Variants in ATF7IP observed in about 807,000 individuals in gnomAD.
ATF7IP encodes the protein activating transcription factor 7 interacting protein, also known as activating transcription factor 7-interacting protein 1.
ATF7IP carries 23 observed loss-of-function variants against 106.4 expected under a neutral mutation model. The observed-to-expected ratio is 0.22, with a 90% CI of 0.16 to 0.31. ATF7IP has a LOEUF of 0.31. ATF7IP is among the 10% of genes least tolerant of loss of function. The pLI, the probability that ATF7IP is intolerant of heterozygous loss-of-function variation, is 1.00. For missense variants in ATF7IP, 1,334 were observed against 1,524.3 expected (o/e 0.88, Z 2.08); for synonymous variants, 542 against 539.0 (o/e 1.01, Z -0.08).
chr12:14,455,004 C>A (rs952834857), intron 6 of ATF7IP, among the ~76,000 whole-genome samples: 1 of 151,848 alleles, frequency 6.6e-6, no homozygotes, highest in Non-Finnish European at 1.5e-5. Flanking sequence ...CATGGCAAAA[C>A]CCCACGTCTA....
chr12:14,401,749 G>A (rs763310641), intron 1 of ATF7IP, among the ~76,000 whole-genome samples: 75 of 119,044 alleles, frequency 6.3e-4, no homozygotes, highest in Non-Finnish European at 7.4e-4. Context: ...ATGGAATCTC[G>A]CTGTGTCGCT....
chr12:14,485,089 TCC>T (rs370144678), intron 13 of ATF7IP, among the ~76,000 whole-genome samples: 34 of 152,228 alleles, frequency 2.2e-4, no homozygotes, highest in African/African-American at 7.7e-4. Context: ...TCTCACAGCA[TCC>T]CTCTCTGCCC....
chr12:14,448,475 G>C (rs1203159603), intron 6 of ATF7IP, among the ~76,000 whole-genome samples: 2 of 152,114 alleles, frequency 1.3e-5, no homozygotes, highest in East Asian at 3.8e-4. Flanking sequence ...TCACAGTCAA[G>C]ATATAAAATT....
chr12:14,478,270 C>A lies in ATF7IP; in HGVS notation c.2942-47C>A. On this transcript the variant is annotated intron_variant, in intron 11 of 14. Coordinates refer to ENST00000261168, the MANE Select transcript of ATF7IP (RefSeq NM_018179.5). ...GTCCATAGAGGAAAGACTTGTATTT[C>A]CTGATTTTTTTCTTGTCAGTCATAA... The A allele has an allele frequency of 1.9e-6, 3 of 1,588,634 alleles. No homozygotes were observed. In the South Asian group the frequency reaches 3.3e-5, roughly 18 times the overall value.
chr12:14,478,376 C>T lies in ATF7IP; in HGVS notation c.3001C>T (p.Arg1001Ter). ...STMSSSQPVSRPLQPIQPAPP... is the reference protein window; with the variant it reads ...STMSSSQPVS ...CATGAGTTCTTCTCAGCCTGTGTCA[C>T]GACCATTGCAACCCATACAACCAGC... The change falls in exon 12 of 15, where the codon CGA (arginine) becomes TGA (stop). Residue 1001 changes from arginine to a stop codon, truncating the protein, a stop_gained. Transcript: ENST00000261168. LOFTEE classifies it high-confidence loss of function. 6.2e-7 allele frequency: 1 copy of T among 1,614,060 alleles called. No individual in the cohort carries two copies. The highest frequency in any genetic ancestry group is 8.5e-7 in the Non-Finnish European group (1 of 1,179,952).
chr12:14,387,151 T>G (rs546378406), intron 1 of ATF7IP, among the ~76,000 whole-genome samples: 6 of 152,302 alleles, frequency 3.9e-5, no homozygotes, highest in Admixed American at 2.0e-4. Flanking sequence ...ACATAGTAGA[T>G]TCTCATAATT....
intron 1 of ATF7IP, among the ~76,000 whole-genome samples, chr12:14,369,870 G>T (rs1219573469): frequency 1.3e-5 from 2 of 151,300 alleles, no homozygotes; most frequent in South Asian, 2.1e-4. Context: ...TTAACCTGGG[G>T]TCCATTGTCC....
Position 14,496,114 on chromosome 12 carries a change from T to C in ATF7IP, c.3281-117T>C, listed in dbSNP as rs551982674. ...GAACAGGACCTCTAGGTTAGAAATATCTTTCCTTTCGAATCTTGAAAACAT... is the reference window on the plus strand; with the variant it reads ...GAACAGGACCTCTAGGTTAGAAATACCTTTCCTTTCGAATCTTGAAAACAT... On this transcript the variant is annotated intron_variant, in intron 13 of 14. Transcript: ENST00000261168. The C allele has an allele frequency of 1.2e-5, 8 of 665,196 alleles. No homozygotes were observed. The African/African-American group carries it at 1.3e-4, about 11-fold the overall frequency. The allele number at this position is 665,196 out of a possible 1,614,324, so 41.2% of individuals were successfully genotyped here. A position where few individuals can be genotyped will look rare whatever the true frequency, so the allele number is the denominator to read the frequency against.
At chr12:14,468,719 T>A (rs1393709145) in intron 10 of ATF7IP, among the ~76,000 whole-genome samples, 1 of 152,226 alleles carries the variant, frequency 6.6e-6, no homozygotes, top group Non-Finnish European at 1.5e-5. Context: ...GTGTCAATTA[T>A]GTATATGAAT....
At chr12:14,466,839 T>C (rs1370215583) in intron 10 of ATF7IP, among the ~76,000 whole-genome samples, 1 of 152,136 alleles carries the variant, frequency 6.6e-6, no homozygotes, top group Non-Finnish European at 1.5e-5. Context: ...ACTGATTTGA[T>C]TAATACAATT....
At position 14,496,287 on chromosome 12, in the gene ATF7IP, C is replaced by G. The variant is rs757917213; in HGVS notation, c.3337C>G (p.Leu1113Val). Residue 1113 changes from leucine to valine, a missense_variant, in exon 14 of 15, where the codon CTG becomes GTG. Around this residue, in one of 10 missense-constraint regions of ATF7IP, gnomAD observed 370 missense variants for 401.2 expected, o/e 0.92. Transcript: ENST00000261168. Reference sequence around the variant, plus strand: ...ATATGTTGTAAACAATGGACTAACCCTGGGATCAACAGGACCTCAGCTCAC... The same window carrying G: ...ATATGTTGTAAACAATGGACTAACCGTGGGATCAACAGGACCTCAGCTCAC... ...TTYVVNNGLT[L>V]GSTGPQLTVH... The G allele has an allele frequency of 6.2e-7, 1 of 1,613,930 alleles. No individual in the cohort carries two copies. Among genetic ancestry groups the G allele is most frequent in the Non-Finnish European group, 8.5e-7 (1 of 1,179,900 alleles).
chr12:14,434,196 C>A (rs933537700), intron 2 of ATF7IP, 141 bp from the exon 3 acceptor site: 2 of 579,284 alleles, frequency 3.5e-6, no homozygotes, highest in African/African-American at 1.9e-5. Context: ...CTCCCCTTTT[C>A]CCCTCCCCAA....
At chr12:14,385,447 T>C in intron 1 of ATF7IP, 10 of 1,509,800 alleles carry the variant, frequency 6.6e-6, no homozygotes, top group Non-Finnish European at 8.8e-6. Flanking sequence ...ATTTTTTTCT[T>C]TTTTAAAAAG....
At chr12:14,411,613 T>A (rs956178361) in intron 1 of ATF7IP, among the ~76,000 whole-genome samples, 2 of 152,158 alleles carry the variant, frequency 1.3e-5, no homozygotes, top group Non-Finnish European at 2.9e-5. Flanking sequence ...TTGCTCATTT[T>A]AAAATGGAGT....
At chr12:14,473,155 TC>T (rs1944117240) in intron 10 of ATF7IP, among the ~76,000 whole-genome samples, 1 of 152,234 alleles carries the variant, frequency 6.6e-6, no homozygotes, top group East Asian at 1.9e-4. Context: ...CTATTTGTTT[TC>T]TATTCATTTC....
intron 5 of ATF7IP, among the ~76,000 whole-genome samples, chr12:14,442,208 G>A (rs1009574835): frequency 6.6e-6 from 1 of 152,054 alleles, no homozygotes. Flanking sequence ...TTACCCTGGG[G>A]ATTACACTTA....
chr12:14,404,072 G>A (rs1229884930), intron 1 of ATF7IP, among the ~76,000 whole-genome samples: 1 of 151,106 alleles, frequency 6.6e-6, no homozygotes, highest in African/African-American at 2.4e-5. Flanking sequence ...CATAAACATT[G>A]GTAATACTAA....
intron 13 of ATF7IP, 160 bp downstream of exon 13, chr12:14,481,345 A>T: frequency 1.5e-6 from 1 of 646,612 alleles, no homozygotes; most frequent in Non-Finnish European, 2.6e-6. Flanking sequence ...CAACATAGAA[A>T]CTATAGTATA....
intron 14 of ATF7IP, 116 bp from the exon 15 acceptor site, chr12:14,497,538 A>G (rs1945048463): frequency 9.1e-7 from 1 of 1,101,848 alleles, no homozygotes; most frequent in African/African-American, 1.6e-5. Context: ...GGTATTTCCT[A>G]GAATTCTTGA....
Sources: gnomAD v4.1 joint callset for allele counts (sites outside exome capture counted in the v4.1 genomes callset) on GRCh38, gnomAD v4.1.1 for gene constraint, gnomAD v4.1.1 regional missense constraint, MANE v1.5 for transcripts, NCBI Gene and HGNC (gene_info 2026-07-23, HGNC 2026-07-21) for gene names.